Variants in TMEM132D observed in about 807,000 individuals in gnomAD.
The protein encoded by TMEM132D is mature OL transmembrane protein.
Under a neutral mutation model 62.3 loss-of-function variants are expected in TMEM132D, and 21 were observed. The observed-to-expected ratio is 0.34, with a 90% CI of 0.24 to 0.49. TMEM132D has a LOEUF of 0.49. Ranked by LOEUF, TMEM132D falls within the 20% of genes least tolerant of loss-of-function variation. The pLI is 0.99. For synonymous variants in TMEM132D, 621 were observed against 575.6 expected, an observed-to-expected ratio of 1.08 and a Z score of -1.13; for missense variants, 1,346 against 1,402.8, an observed-to-expected ratio of 0.96 and a Z score of 0.65.
intron 1 of TMEM132D, among the ~76,000 whole-genome samples, chr12:129,888,853 C>T (rs975201842): frequency 6.6e-6 from 1 of 152,156 alleles, no homozygotes; most frequent in Non-Finnish European, 1.5e-5. Context: ...TCAGGTAGGT[C>T]CTCCCTCCAG....
intron 4 of TMEM132D, among the ~76,000 whole-genome samples, chr12:129,210,600 C>T (rs1879010427): frequency 6.6e-6 from 1 of 152,218 alleles, no homozygotes; most frequent in African/African-American, 2.4e-5. Context: ...CCCTTGGTAG[C>T]ACCTAACAGT....
rs139856149 is a variant in TMEM132D, at chr12:129,711,257, G to A, written c.80-10559C>T. On this transcript the variant is annotated intron_variant, in intron 1 of 8. Transcript: ENST00000422113. Reference sequence around the variant, plus strand: ...CGGTATCACATGCCAAAACCTTGGCGCCATGCATGGCTCCTCTCTGCGTTT... The same window carrying A: ...CGGTATCACATGCCAAAACCTTGGCACCATGCATGGCTCCTCTCTGCGTTT... Among the ~76,000 whole-genome samples the A allele has an allele frequency of 2.6e-5, 4 of 152,274 alleles. No individual in the cohort carries two copies. The East Asian group carries it at 5.8e-4, about 22-fold the overall frequency.
At chr12:129,144,560 C>G (rs772529391) in intron 5 of TMEM132D, among the ~76,000 whole-genome samples, 9 of 152,152 alleles carry the variant, frequency 5.9e-5, no homozygotes, top group Non-Finnish European at 1.3e-4. Context: ...GGTGAGGAGG[C>G]ACCTGGGACC....
chr12:129,849,901 G>T (rs765364197), intron 1 of TMEM132D, among the ~76,000 whole-genome samples: 2 of 152,142 alleles, frequency 1.3e-5, no homozygotes, highest in Non-Finnish European at 2.9e-5. Flanking sequence ...ATACCCAGGG[G>T]CTTCCCACCA....
chr12:129,278,732 A>C (rs1881063458), intron 4 of TMEM132D, among the ~76,000 whole-genome samples: 1 of 152,224 alleles, frequency 6.6e-6, no homozygotes, highest in African/African-American at 2.4e-5. Flanking sequence ...CTTCAAGGAA[A>C]CCGCTAAACG....
chr12:129,682,208 C>T (rs1360102477), intron 2 of TMEM132D, among the ~76,000 whole-genome samples: 1 of 152,218 alleles, frequency 6.6e-6, no homozygotes, highest in African/African-American at 2.4e-5. Flanking sequence ...GTTCACATTT[C>T]AGCTGGTCCC....
At chr12:129,812,254 C>T (rs538765510) in intron 1 of TMEM132D, among the ~76,000 whole-genome samples, 42 of 151,746 alleles carry the variant, frequency 2.8e-4, no homozygotes, top group African/African-American at 9.9e-4. Flanking sequence ...CCCCCTTAAC[C>T]GACCTCTCTC....
chr12:129,076,567 A>G (rs1454264304), intron 8 of TMEM132D, among the ~76,000 whole-genome samples: 4 of 152,236 alleles, frequency 2.6e-5, no homozygotes, highest in Admixed American at 6.5e-5. Context: ...TCTGTTAGAC[A>G]CTGGCTTGGA....
intron 4 of TMEM132D, among the ~76,000 whole-genome samples, chr12:129,262,056 G>C (rs991858731): frequency 2.0e-5 from 3 of 152,076 alleles, no homozygotes; most frequent in African/African-American, 2.4e-5. Flanking sequence ...AGAGGGATGG[G>C]TCTTTTTTCT....
At chr12:129,676,582 C>T (rs1880637883) in intron 2 of TMEM132D, among the ~76,000 whole-genome samples, 1 of 152,140 alleles carries the variant, frequency 6.6e-6, no homozygotes, top group South Asian at 2.1e-4. Flanking sequence ...CGGGAGGCAC[C>T]AGACTCTTTT....
intron 3 of TMEM132D, among the ~76,000 whole-genome samples, chr12:129,523,414 A>C (rs943127755): frequency 2.6e-5 from 4 of 152,182 alleles, no homozygotes; most frequent in African/African-American, 7.2e-5. Flanking sequence ...AAATGGCATA[A>C]TGTAATTATT....
At chr12:129,268,359 C>T (rs966288948) in intron 4 of TMEM132D, among the ~76,000 whole-genome samples, 22 of 152,088 alleles carry the variant, frequency 1.4e-4, no homozygotes, top group Non-Finnish European at 2.4e-4. Context: ...ACAACCCCAT[C>T]AAAAAATGGG....
rs766785498 is a variant in TMEM132D at position 129,700,285 on chromosome 12, G to T, written c.493C>A (p.Leu165Met). The T allele has an allele frequency of 1.2e-6, 2 of 1,613,598 alleles. No homozygotes were observed. Among genetic ancestry groups the T allele is most frequent in the Non-Finnish European group, 1.7e-6 (2 of 1,179,988 alleles). The change falls in exon 2 of 9, where the codon CTG (leucine) becomes ATG (methionine). Residue 165 changes from leucine (L) to methionine (M), a missense_variant. Physicochemically the swap from Leu to Met is conservative, Grantham distance 15. Transcript: ENST00000422113. ...DWDDRSAGEK[L>M]PCLRVFAFRE... The stretch of plus-strand genomic sequence containing the variant: ...AAAGCAAAGACCCTCAGGCACGGCA[G>T]CTTCTCCCCGGCGCTGCGGTCGTCC...
At chr12:129,704,519 G>A (rs1881457418) in intron 1 of TMEM132D, among the ~76,000 whole-genome samples, 1 of 152,170 alleles carries the variant, frequency 6.6e-6, no homozygotes, top group Non-Finnish European at 1.5e-5. Flanking sequence ...GTTTGACATA[G>A]CCACACTGCT....
chr12:129,772,496 G>A lies in TMEM132D; in HGVS notation c.80-71798C>T, dbSNP rs1248154321. On this transcript the variant is annotated intron_variant, in intron 1 of 8. Coordinates refer to ENST00000422113, the MANE Select transcript of TMEM132D (RefSeq NM_133448.3). ...TTTTAACTACTGAAATCCAGCCCAC[G>A]ACTCCTGGAAAGGGCTTCCTATCAA... 2.0e-5 allele frequency among the ~76,000 whole-genome samples: 3 copies of A among 152,178 alleles called. No homozygotes were observed. The East Asian group carries it at 5.8e-4, about 29-fold the overall frequency.
rs1007384809 is a variant in TMEM132D at position 129,528,381 on chromosome 12, C to A, written c.1115+2678G>T. On this transcript the variant is annotated intron_variant, in intron 3 of 8. Transcript: ENST00000422113. ...AATGAATACATCATATTTTAAAAATCTCTATTTTAGTTGCAGATGTCTTAT... is the reference window on the plus strand; with the variant it reads ...AATGAATACATCATATTTTAAAAATATCTATTTTAGTTGCAGATGTCTTAT... Among the ~76,000 whole-genome samples, 64 of 148,532 alleles carry A rather than the reference C, an allele frequency of 4.3e-4. 1 individual carries two copies. The highest frequency in any genetic ancestry group is 7.4e-5 in the Non-Finnish European group (5 of 67,560).
chr12:129,104,621 G>C (rs1875427068), intron 5 of TMEM132D, among the ~76,000 whole-genome samples: 1 of 151,780 alleles, frequency 6.6e-6, no homozygotes, highest in South Asian at 2.1e-4. Flanking sequence ...CAAAATGGGA[G>C]AAAATTTTCA....
chr12:129,075,122 A>G lies in TMEM132D; in HGVS notation c.2116-63T>C, dbSNP rs1874210478. Reference sequence around the variant, plus strand: ...AAAAGCTCATTGAGCCCCAAGTCTTAGTACAGTAGACACACAACGGCAAAA... The same window carrying G: ...AAAAGCTCATTGAGCCCCAAGTCTTGGTACAGTAGACACACAACGGCAAAA... On this transcript the variant is annotated intron_variant, in intron 8 of 8. Coordinates refer to ENST00000422113, the MANE Select transcript of TMEM132D (RefSeq NM_133448.3). 4.3e-6 allele frequency: 6 copies of G among 1,393,190 alleles called. No homozygotes were observed. The South Asian group carries it at 8.0e-5, about 19-fold the overall frequency. The allele number at this position is 1,393,190 out of a possible 1,614,324, so 86.3% of individuals were successfully genotyped here.
At chr12:129,574,755 C>T (rs1877612036) in intron 2 of TMEM132D, among the ~76,000 whole-genome samples, 1 of 151,774 alleles carries the variant, frequency 6.6e-6, no homozygotes, top group South Asian at 2.1e-4. Context: ...GGGTCCCACA[C>T]ATGAACAACT....
Sources: allele counts gnomAD v4.1 joint callset (sites outside exome capture counted in the v4.1 genomes callset), GRCh38; gene constraint gnomAD v4.1.1; transcripts MANE v1.5; gene names NCBI Gene and HGNC (gene_info 2026-07-23, HGNC 2026-07-21).